Variants in CTNNA3 observed in about 807,000 individuals in gnomAD.
CTNNA3 encodes the protein catenin alpha-3.
CTNNA3 carries 76 observed loss-of-function variants against 95.7 expected under a neutral mutation model. That is an observed-to-expected ratio of 0.79 (90% confidence interval 0.66 to 0.96). The LOEUF is 0.96. CTNNA3 is among the 40% of genes least tolerant of loss of function. The pLI is 0.00. For missense variants in CTNNA3, 1,191 were observed against 1,089.8 expected, an observed-to-expected ratio of 1.09 and a Z score of -1.31; for synonymous variants, 431 against 374.4, an observed-to-expected ratio of 1.15 and a Z score of -1.74.
chr10:65,931,401 C>T (rs142590672), intron 17 of CTNNA3, among the ~76,000 whole-genome samples: 8 of 152,164 alleles, frequency 5.3e-5, no homozygotes, highest in Non-Finnish European at 1.0e-4. Context: ...TAAGCAGCAG[C>T]AGCATTAACT....
intron 1 of CTNNA3, among the ~76,000 whole-genome samples, chr10:67,761,530 A>C (rs1385233239): frequency 6.6e-6 from 1 of 152,188 alleles, no homozygotes; most frequent in African/African-American, 2.4e-5. Context: ...GAGAAAGCCA[A>C]AACATATTTG....
intron 13 of CTNNA3, among the ~76,000 whole-genome samples, chr10:66,111,568 T>G (rs575493642): frequency 2.0e-5 from 3 of 152,318 alleles, no homozygotes; most frequent in African/African-American, 7.2e-5. Context: ...ATACTGGGAA[T>G]CTTGAAGGAA....
At chr10:66,236,703 GA>G (rs1419510471) in intron 13 of CTNNA3, among the ~76,000 whole-genome samples, 3 of 152,150 alleles carry the variant, frequency 2.0e-5, no homozygotes, top group African/African-American at 7.2e-5. Context: ...GAGATACAAA[GA>G]AAAAATATTT....
intron 3 of CTNNA3, among the ~76,000 whole-genome samples, chr10:67,592,469 G>C (rs755329819): frequency 6.6e-5 from 10 of 151,770 alleles, no homozygotes; most frequent in Admixed American, 1.3e-4. Flanking sequence ...CGAACTATGG[G>C]AGCAAAAAAG....
intron 11 of CTNNA3, among the ~76,000 whole-genome samples, chr10:66,409,832 A>C (rs1458918046): frequency 1.3e-5 from 2 of 152,214 alleles, no homozygotes; most frequent in African/African-American, 4.8e-5. Flanking sequence ...AGAAAGGTAC[A>C]ATCAGGGACC....
intron 3 of CTNNA3, among the ~76,000 whole-genome samples, chr10:67,570,579 AC>A (rs1247882488): frequency 6.6e-6 from 1 of 152,148 alleles, no homozygotes. Flanking sequence ...GGACAACATT[AC>A]TGCTGTAACC....
At chr10:66,149,460 A>G (rs1370793709) in intron 13 of CTNNA3, among the ~76,000 whole-genome samples, 2 of 151,314 alleles carry the variant, frequency 1.3e-5, no homozygotes, top group Non-Finnish European at 3.0e-5. Flanking sequence ...CTATTAACTA[A>G]TAACTTCATT....
In CTNNA3 at chr10:66,756,483, G is replaced by A. The variant is rs191901065; in HGVS notation, c.1281+9781C>T. ...TCAAATCTAACATTTCTATCTTGCAGAAATCACCAAGCCTAGTTAATTTTC... is the reference window on the plus strand; with the variant it reads ...TCAAATCTAACATTTCTATCTTGCAAAAATCACCAAGCCTAGTTAATTTTC... On this transcript the variant is annotated intron_variant, in intron 9 of 17. Transcript: ENST00000433211. Among the ~76,000 whole-genome samples the A allele has an allele frequency of 1.6e-3, 242 of 152,194 alleles. 1 individual carries two copies. The highest frequency in any genetic ancestry group is 5.5e-3 in the African/African-American group (228 of 41,542).
intron 5 of CTNNA3, among the ~76,000 whole-genome samples, chr10:67,237,971 A>C (rs1158763946): frequency 1.3e-5 from 2 of 152,146 alleles, no homozygotes; most frequent in Non-Finnish European, 2.9e-5. Flanking sequence ...TAGGAGGTAC[A>C]AATGGTAGGA....
Position 66,927,953 on chromosome 10 carries a change from T to G in CTNNA3, c.1048-152429A>C, listed in dbSNP as rs1397746968. On this transcript the variant is annotated intron_variant, in intron 7 of 17. Coordinates refer to ENST00000433211, the MANE Select transcript of CTNNA3 (RefSeq NM_013266.4). This position sits in a 1 kb window ranked among gnomAD's most constrained non-coding sequence, Gnocchi z 4.7. ...ATTATCTGTGCCAGTCCCAAAGAGC[T>G]GCAAGGAGTAAATGTGATCGATGCA... 10 of 1,614,116 alleles carry G rather than the reference T, an allele frequency of 6.2e-6. No homozygotes were observed. Among genetic ancestry groups the G allele is most frequent in the African/African-American group, 1.3e-5 (1 of 74,940 alleles).
intron 1 of CTNNA3, among the ~76,000 whole-genome samples, chr10:67,755,388 C>T (rs1326888399): frequency 2.6e-5 from 4 of 151,632 alleles, no homozygotes; most frequent in South Asian, 4.1e-4. Context: ...CCATTATACG[C>T]GATTGGCAAG....
chr10:66,875,740 T>C (rs1844591724), intron 7 of CTNNA3, among the ~76,000 whole-genome samples: 1 of 152,222 alleles, frequency 6.6e-6, no homozygotes, highest in Non-Finnish European at 1.5e-5. Flanking sequence ...ATTCCTGTGC[T>C]TATGGCATGA....
chr10:66,776,830 C>T (rs1840322122), intron 7 of CTNNA3, among the ~76,000 whole-genome samples: 1 of 152,140 alleles, frequency 6.6e-6, no homozygotes, highest in Non-Finnish European at 1.5e-5. Context: ...TATTTATGTG[C>T]ATCCCCCTTA....
At chr10:66,348,928 T>G (rs947171809) in intron 12 of CTNNA3, among the ~76,000 whole-genome samples, 1 of 152,148 alleles carries the variant, frequency 6.6e-6, no homozygotes, top group African/African-American at 2.4e-5. Context: ...TGCATTTTAT[T>G]GTGACTATTC....
intron 7 of CTNNA3, among the ~76,000 whole-genome samples, chr10:66,874,644 A>G (rs1844546362): frequency 6.6e-6 from 1 of 152,220 alleles, no homozygotes; most frequent in Non-Finnish European, 1.5e-5. Flanking sequence ...GAATTTAAAG[A>G]ATATTTCTAC....
chr10:67,281,341 C>A (rs1839393025), intron 5 of CTNNA3, among the ~76,000 whole-genome samples: 1 of 152,194 alleles, frequency 6.6e-6, no homozygotes, highest in East Asian at 1.9e-4. Flanking sequence ...TACATTTCAT[C>A]ACTTTGATTC....
At chr10:66,686,006 A>G (rs2132518940) in intron 9 of CTNNA3, among the ~76,000 whole-genome samples, 1 of 152,300 alleles carries the variant, frequency 6.6e-6, no homozygotes, top group Middle Eastern at 3.4e-3. Context: ...CTTATATAAC[A>G]CTCATAATTT....
intron 9 of CTNNA3, among the ~76,000 whole-genome samples, chr10:66,738,805 G>A (rs1177472088): frequency 1.3e-5 from 2 of 152,124 alleles, no homozygotes; most frequent in Non-Finnish European, 2.9e-5. Context: ...AGTAAAGTAG[G>A]TGTATTTATT....
At chr10:67,673,741 G>A (rs1377234631) in intron 1 of CTNNA3, among the ~76,000 whole-genome samples, 1 of 144,860 alleles carries the variant, frequency 6.9e-6, no homozygotes, top group African/African-American at 2.5e-5. Context: ...TATTATATTA[G>A]TTAAGAACTC....
Sources: allele counts gnomAD v4.1 joint callset (sites outside exome capture counted in the v4.1 genomes callset), GRCh38; gene constraint gnomAD v4.1.1; non-coding constraint Gnocchi (gnomAD v3.1); transcripts MANE v1.5; gene names NCBI Gene and HGNC (gene_info 2026-07-23, HGNC 2026-07-21).